Variants in DNAH8 observed in about 807,000 individuals in gnomAD.
The protein encoded by DNAH8 is dynein axonemal heavy chain 8.
A neutral mutation model predicts 562.1 loss-of-function variants in DNAH8; 382 were observed. That is an observed-to-expected ratio of 0.68 (90% CI 0.63 to 0.74). The LOEUF (loss-of-function observed/expected upper bound fraction) is 0.74. DNAH8 is among the 30% of genes least tolerant of loss of function. DNAH8 has a pLI of 0.00. For synonymous variants in DNAH8, 1,881 were observed against 1,919.4 expected, an observed-to-expected ratio of 0.98 and a Z score of 0.52; for missense variants, 5,203 against 5,620.4, an observed-to-expected ratio of 0.93 and a Z score of 2.37.
chr6:38,792,636 G>A (rs1769864534), intron 21 of DNAH8, among the ~76,000 whole-genome samples: 1 of 152,136 alleles, frequency 6.6e-6, no homozygotes, highest in Non-Finnish European at 1.5e-5. Context: ...CTTCAGCATT[G>A]TTATGTTGAA....
At chr6:38,835,451 C>T (rs1292163443) in intron 32 of DNAH8, among the ~76,000 whole-genome samples, 1 of 152,030 alleles carries the variant, frequency 6.6e-6, no homozygotes, top group Non-Finnish European at 1.5e-5. Context: ...ACTGCAAGTG[C>T]GATGAGAGCT....
At chr6:38,949,665 C>A in intron 81 of DNAH8, 95 bp downstream of exon 81, 2 of 738,614 alleles carry the variant, frequency 2.7e-6, no homozygotes, top group Non-Finnish European at 4.5e-6. Context: ...ATATCACTGT[C>A]ATTGAAAGTA....
chr6:39,008,687 T>TTTC (rs1265828946), intron 88 of DNAH8, 127 bp from the exon 89 acceptor site: 42 of 525,776 alleles, frequency 8.0e-5, no homozygotes, highest in Admixed American at 3.8e-4. Flanking sequence ...GTAGTTAACT[T>TTTC]TTCTTCTTTT....
chr6:38,933,348 A>G (rs1333937407), intron 76 of DNAH8, among the ~76,000 whole-genome samples: 4 of 152,176 alleles, frequency 2.6e-5, no homozygotes, highest in Non-Finnish European at 4.4e-5. Context: ...CACATTTAAT[A>G]TGCAGGAGGG....
chr6:38,723,250 C>T, intron 2 of DNAH8, 51 bp downstream of exon 2: 1 of 1,575,056 alleles, frequency 6.3e-7, no homozygotes, highest in South Asian at 1.2e-5. Flanking sequence ...TTATCAAATA[C>T]GAAATACTTT....
At chr6:38,813,947 G>A in intron 24 of DNAH8, 107 bp from the exon 25 acceptor site, 1 of 802,244 alleles carries the variant, frequency 1.2e-6, no homozygotes, top group Admixed American at 2.3e-5. Context: ...GTGTAATTTG[G>A]CCTTTTAAAA....
chr6:38,729,159 C>T (rs548500297), intron 3 of DNAH8, among the ~76,000 whole-genome samples: 10 of 152,166 alleles, frequency 6.6e-5, no homozygotes, highest in South Asian at 4.2e-4. Flanking sequence ...GCCGAGATCG[C>T]GCTACTGCAC....
At chr6:38,715,901 T>C (rs1224423664) in intron 1 of DNAH8, among the ~76,000 whole-genome samples, 1 of 96,474 alleles carries the variant, frequency 1.0e-5, no homozygotes, top group African/African-American at 3.8e-5. Flanking sequence ...CGAAAAGCTA[T>C]TAAAATAAAT....
intron 57 of DNAH8, 99 bp from the exon 58 acceptor site, chr6:38,890,553 C>A (rs1470785455): frequency 8.2e-6 from 7 of 858,424 alleles, no homozygotes; most frequent in Non-Finnish European, 1.2e-5. Flanking sequence ...CTGAACAACA[C>A]CCAGCTTAGT....
intron 36 of DNAH8, 110 bp downstream of exon 36, chr6:38,845,883 T>G (rs1775257797): frequency 1.3e-5 from 12 of 914,144 alleles, no homozygotes; most frequent in Non-Finnish European, 2.0e-5. Flanking sequence ...TGCACTAAAT[T>G]TGGTATTATC....
rs766149326 is a variant in DNAH8, at chr6:38,945,539, A to C, written c.12080A>C (p.Asn4027Thr). The change falls in exon 80 of 93, where the codon AAT becomes ACT. Residue 4027 changes from asparagine (N) to threonine (T), a missense_variant. By Grantham distance (65) the Asn-to-Thr change is moderately conservative (BLOSUM62 0). Transcript: ENST00000327475. ...TGGATCCTTGACATGACTTGGCTGA[A>C]TCTTGTGGAGCTGAGTAAACTTCCA... The part of the protein sequence containing the change: ...YRWILDMTWL[N>T]LVELSKLPQF... The C allele has an allele frequency of 8.1e-6, 13 of 1,614,180 alleles. No individual in the cohort carries two copies. The highest frequency in any genetic ancestry group is 3.3e-5 in the Admixed American group (2 of 60,024).
intron 88 of DNAH8, among the ~76,000 whole-genome samples, chr6:39,005,722 T>C (rs1199653314): frequency 6.6e-6 from 1 of 152,258 alleles, no homozygotes; most frequent in African/African-American, 2.4e-5. Flanking sequence ...ATTATAGGTA[T>C]ATAGTTATTT....
chr6:38,807,527 A>T (rs1474457875), intron 23 of DNAH8, 83 bp from the exon 24 acceptor site: 3 of 565,094 alleles, frequency 5.3e-6, no homozygotes, highest in East Asian at 3.1e-5. Context: ...CACATGCCAC[A>T]TCTAATATTC....
intron 39 of DNAH8, among the ~76,000 whole-genome samples, chr6:38,852,198 T>C (rs1274385522): frequency 1.3e-5 from 2 of 152,168 alleles, no homozygotes; most frequent in Non-Finnish European, 2.9e-5. Flanking sequence ...AGAAAAACCG[T>C]AGCAAACTGA....
chr6:38,771,961 C>T (rs927520043), intron 12 of DNAH8, among the ~76,000 whole-genome samples: 2 of 152,002 alleles, frequency 1.3e-5, no homozygotes, highest in Non-Finnish European at 2.9e-5. Context: ...TTGTTGATAA[C>T]CCCAACTATT....
At chr6:38,942,672 G>A (rs2150605810) in intron 79 of DNAH8, among the ~76,000 whole-genome samples, 1 of 152,314 alleles carries the variant, frequency 6.6e-6, no homozygotes, top group African/African-American at 2.4e-5. Context: ...CAGGAGCTGG[G>A]GCAGTGGATT....
chr6:38,837,283 G>A lies in DNAH8; in HGVS notation c.4366-659G>A, dbSNP rs942418050. Among the ~76,000 whole-genome samples, 36 of 152,244 alleles carry A rather than the reference G, an allele frequency of 2.4e-4. 1 individual carries two copies. The highest frequency in any genetic ancestry group is 2.1e-3 in the Admixed American group (32 of 15,286). ...ATATTCTCCAGGGCTGGGAATTTAGGGTTCTCGGGAATATGCTGTACCACT... is the reference window on the plus strand; with the variant it reads ...ATATTCTCCAGGGCTGGGAATTTAGAGTTCTCGGGAATATGCTGTACCACT... On this transcript the variant is annotated intron_variant, in intron 32 of 92. Coordinates refer to ENST00000327475, the MANE Select transcript of DNAH8 (RefSeq NM_001206927.2).
chr6:38,842,243 T>C (rs1774861500), intron 33 of DNAH8, 125 bp from the exon 34 acceptor site: 1 of 665,054 alleles, frequency 1.5e-6, no homozygotes, highest in Admixed American at 3.1e-5. Context: ...TGTATGCATT[T>C]GGTATCTATA....
intron 73 of DNAH8, among the ~76,000 whole-genome samples, chr6:38,924,446 T>C (rs1781950242): frequency 6.6e-6 from 1 of 151,588 alleles, no homozygotes; most frequent in African/African-American, 2.4e-5. Flanking sequence ...AGGGAGGCAA[T>C]GGTTCCGAGA....
Sources: gnomAD v4.1 joint callset for allele counts (sites outside exome capture counted in the v4.1 genomes callset) on GRCh38, gnomAD v4.1.1 for gene constraint, MANE v1.5 for transcripts, NCBI Gene and HGNC (gene_info 2026-07-23, HGNC 2026-07-21) for gene names.